CCDC178: variants seen among roughly 807,000 people sequenced by gnomAD.
CCDC178 encodes coiled-coil domain-containing protein 178.
CCDC178 carries 126 observed loss-of-function variants against 117.4 expected under a neutral mutation model. That is an observed-to-expected ratio of 1.07 (90% CI 0.93 to 1.24). The LOEUF (loss-of-function observed/expected upper bound fraction) is 1.24, where lower values mean the gene tolerates loss of function less well. Among genes scored for constraint, CCDC178 ranks in the 50% most tolerant of loss-of-function variants. CCDC178 has a pLI of 0.00. For synonymous variants in CCDC178, 283 were observed against 313.4 expected (o/e 0.90, Z 1.02); for missense variants, 1,030 against 986.9 (o/e 1.04, Z -0.59).
chr18:32,953,899 A>T (rs1399603449), intron 22 of CCDC178, among the ~76,000 whole-genome samples: 1 of 152,206 alleles, frequency 6.6e-6, no homozygotes, highest in Non-Finnish European at 1.5e-5. Flanking sequence ...ACTTCTAGAG[A>T]TGTTAATGCA....
At chr18:33,404,553 A>T (rs1486514228) in intron 3 of CCDC178, among the ~76,000 whole-genome samples, 1 of 152,110 alleles carries the variant, frequency 6.6e-6, no homozygotes, top group Non-Finnish European at 1.5e-5. Flanking sequence ...TTTGGCAATT[A>T]CTAATAAAGT....
intron 20 of CCDC178, among the ~76,000 whole-genome samples, chr18:33,101,274 T>C (rs1161813761): frequency 6.6e-6 from 1 of 151,500 alleles, no homozygotes; most frequent in African/African-American, 2.4e-5. Flanking sequence ...TTTAAGAATA[T>C]ATATTCTAAA....
In CCDC178 at chr18:33,362,190, C is replaced by CATATAT. The variant is rs1491079046; in HGVS notation, c.349-5850_349-5845dup. On this transcript the variant is annotated intron_variant, in intron 6 of 22. Transcript: ENST00000383096. ...GTGTATGTCTGTATGTATATATATA[C>CATATAT]ATATATATATATATAGCTAATATTC... Among the ~76,000 whole-genome samples the CATATAT allele has an allele frequency of 5.5e-3, 815 of 147,686 alleles. 4 individuals carry two copies. Among genetic ancestry groups the CATATAT allele is most frequent in the Admixed American group, 9.5e-3 (139 of 14,646 alleles).
Position 33,348,884 on chromosome 18 carries a change from C to A in CCDC178, c.457+6G>T. On this transcript the variant is annotated splice_donor_region_variant and intron_variant, in intron 8 of 22. Transcript: ENST00000383096. ...ACAGTTATTCAAGTAGGAGGAACAA[C>A]TTTACCTCTCTTTTCTCCTGGTTTG... 6.3e-7 allele frequency: 1 copy of A among 1,589,464 alleles called. No homozygotes were observed. The highest frequency in any genetic ancestry group is 1.1e-5 in the South Asian group (1 of 90,258).
At chr18:33,081,104 G>A (rs2057289927) in intron 21 of CCDC178, among the ~76,000 whole-genome samples, 1 of 152,158 alleles carries the variant, frequency 6.6e-6, no homozygotes, top group Non-Finnish European at 1.5e-5. Context: ...AGGCTGAACA[G>A]AGGAGGACAT....
At chr18:33,251,212 CA>C (rs1469117146) in intron 14 of CCDC178, among the ~76,000 whole-genome samples, 1 of 151,596 alleles carries the variant, frequency 6.6e-6, no homozygotes, top group Non-Finnish European at 1.5e-5. Context: ...CAATATTATG[CA>C]AAGCTCATGG....
At chr18:33,055,488 C>A (rs983459239) in intron 21 of CCDC178, among the ~76,000 whole-genome samples, 11 of 152,056 alleles carry the variant, frequency 7.2e-5, no homozygotes, top group Non-Finnish European at 1.3e-4. Flanking sequence ...AGGTGCACGC[C>A]ACCATGCCCC....
chr18:33,424,608 G>A (rs1216854016), intron 2 of CCDC178, among the ~76,000 whole-genome samples: 1 of 152,222 alleles, frequency 6.6e-6, no homozygotes, highest in African/African-American at 2.4e-5. Flanking sequence ...AAGAGACAGA[G>A]AGAGAACCAC....
intron 21 of CCDC178, among the ~76,000 whole-genome samples, chr18:33,054,046 AG>A (rs919475129): frequency 6.6e-6 from 1 of 152,190 alleles, no homozygotes; most frequent in African/African-American, 2.4e-5. Flanking sequence ...CAAGGTGTCC[AG>A]TGCTTTTCTT....
chr18:33,295,763 G>C (rs546558858), intron 11 of CCDC178, among the ~76,000 whole-genome samples: 2 of 152,130 alleles, frequency 1.3e-5, no homozygotes, highest in African/African-American at 4.8e-5. Flanking sequence ...ACTAGTCCAG[G>C]CTGAAATTTT....
chr18:33,394,680 A>T (rs373302943), intron 4 of CCDC178, among the ~76,000 whole-genome samples: 1 of 151,604 alleles, frequency 6.6e-6, no homozygotes, highest in Admixed American at 6.6e-5. Flanking sequence ...TTCCTTAAGC[A>T]TATCTTGGAA....
chr18:33,017,444 C>A (rs1381768945), intron 21 of CCDC178, among the ~76,000 whole-genome samples: 1 of 151,686 alleles, frequency 6.6e-6, no homozygotes, highest in Non-Finnish European at 1.5e-5. Context: ...TTAAAGAAGG[C>A]CTAGTAAATG....
intron 20 of CCDC178, among the ~76,000 whole-genome samples, chr18:33,122,119 A>G (rs1001538475): frequency 6.6e-6 from 1 of 152,170 alleles, no homozygotes; most frequent in African/African-American, 2.4e-5. Flanking sequence ...CCTGTTATTA[A>G]GTGAACTATG....
chr18:33,374,449 C>T (rs1410268381), intron 5 of CCDC178, among the ~76,000 whole-genome samples: 1 of 152,138 alleles, frequency 6.6e-6, no homozygotes, highest in African/African-American at 2.4e-5. Context: ...ACTTCACACA[C>T]ACACTATAAT....
intron 21 of CCDC178, among the ~76,000 whole-genome samples, chr18:33,047,356 A>G (rs897756131): frequency 1.4e-4 from 21 of 152,124 alleles, no homozygotes; most frequent in Admixed American, 9.8e-4. Context: ...GTTTTAACCA[A>G]TATGTTACAA....
intron 6 of CCDC178, among the ~76,000 whole-genome samples, chr18:33,363,611 T>C (rs2063158782): frequency 6.6e-6 from 1 of 152,046 alleles, no homozygotes. Flanking sequence ...TTCCCCTTTT[T>C]GAATGAGGGG....
chr18:32,982,981 A>G (rs1313755502), intron 21 of CCDC178, among the ~76,000 whole-genome samples: 1 of 152,048 alleles, frequency 6.6e-6, no homozygotes, highest in Non-Finnish European at 1.5e-5. Context: ...TGATGTGTCA[A>G]TATAGGTTCA....
At chr18:33,249,536 A>G (rs1020905672) in intron 14 of CCDC178, among the ~76,000 whole-genome samples, 1 of 152,118 alleles carries the variant, frequency 6.6e-6, no homozygotes, top group African/African-American at 2.4e-5. Context: ...TCCTTTCCCC[A>G]TTGCTTGTTT....
Position 32,993,034 on chromosome 18 carries a change from C to A in CCDC178, c.2389-18353G>T, listed in dbSNP as rs187552370. On this transcript the variant is annotated intron_variant, in intron 21 of 22. Transcript: ENST00000383096. ...TACAAAAATTAGCAGGGCGTGGTGG[C>A]GCAAACCTGTAATCCCAGCTACTCT... is the stretch of plus-strand genomic sequence containing the variant. 1.2e-3 allele frequency among the ~76,000 whole-genome samples: 175 copies of A among 152,048 alleles called. 1 individual carries two copies. Among genetic ancestry groups the A allele is most frequent in the African/African-American group, 3.9e-3 (163 of 41,462 alleles).
Sources: gnomAD v4.1 joint callset for allele counts (sites outside exome capture counted in the v4.1 genomes callset) on GRCh38, gnomAD v4.1.1 for gene constraint, MANE v1.5 for transcripts, NCBI Gene and HGNC (gene_info 2026-07-23, HGNC 2026-07-21) for gene names.